KLHL29: variants seen among roughly 807,000 people sequenced by gnomAD.
KLHL29 encodes the protein kelch-like protein 29.
Under a neutral mutation model 80.4 loss-of-function variants are expected in KLHL29, and 21 were observed. The observed-to-expected ratio is 0.26, with a 90% CI of 0.19 to 0.38. The LOEUF (loss-of-function observed/expected upper bound fraction) is 0.38, where lower values mean the gene tolerates loss of function less well. Ranked by LOEUF, KLHL29 falls within the 10% of genes least tolerant of loss-of-function variation. The probability of loss-of-function intolerance (pLI) is 1.00; values close to 1 mark genes in which losing one functional copy is unlikely to be tolerated. For missense variants in KLHL29, 867 were observed against 1,223.9 expected, an observed-to-expected ratio of 0.71 and a Z score of 4.35; for synonymous variants, 511 against 526.8, an observed-to-expected ratio of 0.97 and a Z score of 0.41.
chr2:23,462,673 T>A (rs555971076), intron 1 of KLHL29, among the ~76,000 whole-genome samples: 1 of 152,300 alleles, frequency 6.6e-6, no homozygotes, highest in Non-Finnish European at 1.5e-5. Context: ...GCTAAGAAAT[T>A]AATCTTATGC....
At chr2:23,524,630 G>A (rs71437493) in intron 2 of KLHL29, among the ~76,000 whole-genome samples, 113 of 152,320 alleles carry the variant, frequency 7.4e-4, no homozygotes, top group Admixed American at 6.3e-3. Flanking sequence ...GTGGAGGGAC[G>A]AGGTGGTTGA....
chr2:23,639,425 C>T (rs1669707105), intron 4 of KLHL29, 145 bp downstream of exon 4: 1 of 742,978 alleles, frequency 1.3e-6, no homozygotes, highest in African/African-American at 1.8e-5. Flanking sequence ...GGGGCAAAGG[C>T]ACTGTGTGTA....
chr2:23,685,848 G>A (rs900713471), intron 6 of KLHL29, among the ~76,000 whole-genome samples: 5 of 152,166 alleles, frequency 3.3e-5, no homozygotes, highest in African/African-American at 4.8e-5. Context: ...GGCCCGCATC[G>A]GGCTGCCGGA....
chr2:23,631,634 C>G (rs958447315), intron 3 of KLHL29, among the ~76,000 whole-genome samples: 1 of 152,174 alleles, frequency 6.6e-6, no homozygotes, highest in African/African-American at 2.4e-5. Flanking sequence ...CCCCTGGCCC[C>G]GCGTAGGGAT....
intron 5 of KLHL29, among the ~76,000 whole-genome samples, chr2:23,644,566 A>G (rs1396842671): frequency 6.6e-6 from 1 of 152,244 alleles, no homozygotes; most frequent in Admixed American, 6.5e-5. Context: ...CTGCCCCACC[A>G]AAGCTGCTGG....
chr2:23,582,952 T>G (rs888431347), intron 3 of KLHL29, among the ~76,000 whole-genome samples: 2 of 152,148 alleles, frequency 1.3e-5, no homozygotes, highest in African/African-American at 4.8e-5. Flanking sequence ...GGGTGGGCCC[T>G]AAATCCAATG....
At chr2:23,585,669 C>G (rs1375898065) in intron 3 of KLHL29, among the ~76,000 whole-genome samples, 1 of 152,110 alleles carries the variant, frequency 6.6e-6, no homozygotes, top group African/African-American at 2.4e-5. Context: ...CCCACCCCTG[C>G]CAGCCTGCCC....
In KLHL29 at chr2:23,696,059, C is replaced by G; in HGVS notation, c.1850C>G (p.Pro617Arg). Residue 617 changes from proline (P) to arginine (R), a missense_variant, in exon 10 of 14, where the codon CCC becomes CGC. Physicochemically the swap from Pro to Arg is moderately radical, Grantham distance 103. Transcript: ENST00000486442. This position sits in a 1 kb window ranked among gnomAD's most constrained non-coding sequence, Gnocchi z 5.5. Reference protein sequence around the residue: ...CWNPQNNKWYPLASLPFYDRE... With the variant: ...CWNPQNNKWYRLASLPFYDRE... ...AACCCGCAGAACAACAAGTGGTACC[C>G]CTTGGCCTCGCTGCCCTTCTATGAC... 1 of 1,551,796 alleles carries G rather than the reference C, an allele frequency of 6.4e-7. No individual in the cohort carries two copies. Among genetic ancestry groups the G allele is most frequent in the Non-Finnish European group, 8.7e-7 (1 of 1,147,004 alleles).
chr2:23,554,340 A>G (rs1294040118), intron 2 of KLHL29, among the ~76,000 whole-genome samples: 1 of 152,192 alleles, frequency 6.6e-6, no homozygotes, highest in African/African-American at 2.4e-5. Flanking sequence ...GTCTCCCCCA[A>G]ATGAGGCAAT....
intron 5 of KLHL29, among the ~76,000 whole-genome samples, chr2:23,664,338 G>A (rs764735510): frequency 5.6e-4 from 85 of 152,220 alleles, no homozygotes; most frequent in Non-Finnish European, 8.8e-4. Flanking sequence ...AGGTGTCTCA[G>A]TGCCAGGATT....
chr2:23,445,604 T>C (rs769354810), intron 1 of KLHL29, among the ~76,000 whole-genome samples: 12 of 152,334 alleles, frequency 7.9e-5, no homozygotes, highest in Non-Finnish European at 1.5e-4. Flanking sequence ...ATTTCGTACA[T>C]GTGAAGGCAT....
At chr2:23,583,759 CAGAG>C (rs1158008665) in intron 3 of KLHL29, among the ~76,000 whole-genome samples, 1 of 152,232 alleles carries the variant, frequency 6.6e-6, no homozygotes, top group East Asian at 1.9e-4. Flanking sequence ...TGATCAGACT[CAGAG>C]AGCATCAGGG....
intron 2 of KLHL29, among the ~76,000 whole-genome samples, chr2:23,488,205 A>G (rs1179339649): frequency 6.6e-6 from 1 of 152,100 alleles, no homozygotes; most frequent in Non-Finnish European, 1.5e-5. Context: ...CCTTGCTTTC[A>G]GGATTGGGGA....
rs567264060 is a variant in KLHL29, at chr2:23,539,132, A to G, written c.-45-23020A>G. Among the ~76,000 whole-genome samples, 212 of 152,296 alleles carry G rather than the reference A, an allele frequency of 1.4e-3. 1 individual carries two copies. The highest frequency in any genetic ancestry group is 2.4e-3 in the Non-Finnish European group (165 of 68,016). On this transcript the variant is annotated intron_variant, in intron 2 of 13. Coordinates refer to ENST00000486442, the MANE Select transcript of KLHL29 (RefSeq NM_052920.2). ...AATTTTATATCCACGCTTAGAAAGC[A>G]CGGCAGCCACCCAGGGCTGATGAGT...
chr2:23,622,342 C>T (rs894783873), intron 3 of KLHL29, among the ~76,000 whole-genome samples: 11 of 152,200 alleles, frequency 7.2e-5, no homozygotes, highest in South Asian at 2.1e-4. Context: ...GGCAGCTTTC[C>T]TGGACTCACA....
In KLHL29 at chr2:23,418,134, G is replaced by T. The variant is rs778397507; in HGVS notation, c.-154+32354G>T. Among the ~76,000 whole-genome samples, 140 of 152,314 alleles carry T rather than the reference G, an allele frequency of 9.2e-4. 1 individual carries two copies. Among genetic ancestry groups the T allele is most frequent in the Non-Finnish European group, 1.7e-3 (113 of 68,018 alleles). On this transcript the variant is annotated intron_variant, in intron 1 of 13. Coordinates refer to ENST00000486442, the MANE Select transcript of KLHL29 (RefSeq NM_052920.2). The stretch of plus-strand genomic sequence containing the variant: ...AATGAATCCAGACACACCTTCCACT[G>T]TGGGGTCCTGCCCTCTCACTGCGGC...
chr2:23,703,929 C>A, intron 13 of KLHL29, 66 bp downstream of exon 13: 1 of 1,453,744 alleles, frequency 6.9e-7, no homozygotes. Flanking sequence ...GGTGTGACCA[C>A]AATGATTTCC....
intron 1 of KLHL29, among the ~76,000 whole-genome samples, chr2:23,415,726 T>C (rs1220710307): frequency 2.0e-5 from 3 of 152,006 alleles, no homozygotes; most frequent in African/African-American, 4.8e-5. Context: ...TGACATAGAC[T>C]CTCACTCTGT....
At chr2:23,628,562 G>A (rs1039800324) in intron 3 of KLHL29, among the ~76,000 whole-genome samples, 8 of 152,198 alleles carry the variant, frequency 5.3e-5, no homozygotes, top group Non-Finnish European at 1.5e-5. Context: ...CAAGGTAGGA[G>A]GATCGCTTGA....
Sources: gnomAD v4.1 joint callset for allele counts (sites outside exome capture counted in the v4.1 genomes callset) on GRCh38, gnomAD v4.1.1 for gene constraint, Gnocchi (gnomAD v3.1) non-coding constraint, MANE v1.5 for transcripts, NCBI Gene and HGNC (gene_info 2026-07-23, HGNC 2026-07-21) for gene names.